The following TRPM3 variants were observed in gnomAD, a reference collection of about 807,000 sequenced individuals.
TRPM3 encodes the protein transient receptor potential cation channel subfamily M member 3, also known as long transient receptor potential channel 3.
A neutral mutation model predicts 181.2 loss-of-function variants in TRPM3; 77 were observed. The observed-to-expected ratio is 0.42, with a 90% CI of 0.35 to 0.51. The LOEUF is 0.51. Among genes scored for constraint, TRPM3 ranks in the 20% least tolerant of loss-of-function variants. The pLI is 0.01. For missense variants in TRPM3, 1,759 were observed against 2,196.7 expected, an observed-to-expected ratio of 0.80 and a Z score of 3.98; for synonymous variants, 745 against 796.4, an observed-to-expected ratio of 0.94 and a Z score of 1.09.
At chr9:70,547,553 A>G (rs1352643537) in intron 25 of TRPM3, among the ~76,000 whole-genome samples, 2 of 136,728 alleles carry the variant, frequency 1.5e-5, no homozygotes, top group Non-Finnish European at 3.2e-5. Context: ...AAAAAAAAAA[A>G]CCCAACAACA....
At position 70,889,320 on chromosome 9, in the gene TRPM3, T is replaced by C. The variant is rs546322277; in HGVS notation, c.178-24809A>G. Among the ~76,000 whole-genome samples the C allele has an allele frequency of 3.3e-5, 5 of 152,240 alleles. No homozygotes were observed. In the South Asian group the frequency reaches 1.0e-3, roughly 32 times the overall value. The stretch of plus-strand genomic sequence containing the variant: ...ACCAGAAGTTGATTCTTTTGAGAAG[T>C]TGAACCTTAGACTAGATGTACGGCT... On this transcript the variant is annotated intron_variant, in intron 1 of 25. Coordinates refer to ENST00000677713, the MANE Select transcript of TRPM3 (RefSeq NM_001366145.2).
intron 22 of TRPM3, among the ~76,000 whole-genome samples, chr9:70,574,922 T>G (rs2053501742): frequency 6.6e-6 from 1 of 151,904 alleles, no homozygotes; most frequent in Non-Finnish European, 1.5e-5. Context: ...GAGCTTGTTT[T>G]TTTCTTTTCT....
chr9:70,861,865 T>G (rs1057113698), intron 3 of TRPM3, among the ~76,000 whole-genome samples: 19 of 145,866 alleles, frequency 1.3e-4, no homozygotes, highest in African/African-American at 4.3e-4. Flanking sequence ...TTCAGAATTA[T>G]ATTTCATAGA....
intron 1 of TRPM3, among the ~76,000 whole-genome samples, chr9:71,438,392 G>T (rs956380357): frequency 6.6e-6 from 1 of 152,122 alleles, no homozygotes; most frequent in Non-Finnish European, 1.5e-5. Context: ...AGTCCTGGGT[G>T]GTTGCAGTGG....
chr9:70,969,260 A>G (rs10868932), intron 1 of TRPM3, among the ~76,000 whole-genome samples: 33,100 of 149,120 alleles, frequency 0.22, 3,698 homozygotes, highest in South Asian at 0.24. Flanking sequence ...AACATCACAC[A>G]CCAGGGCCTC....
intron 1 of TRPM3, among the ~76,000 whole-genome samples, chr9:71,176,974 C>T (rs2077134861): frequency 6.6e-6 from 1 of 152,038 alleles, no homozygotes. Context: ...ACACACAGCA[C>T]AAGGTAAGTG....
chr9:71,248,884 A>G (rs2082185421), intron 1 of TRPM3, among the ~76,000 whole-genome samples: 1 of 152,212 alleles, frequency 6.6e-6, no homozygotes, highest in African/African-American at 2.4e-5. Context: ...AAACGTAACG[A>G]CAAGCCACTT....
intron 6 of TRPM3, among the ~76,000 whole-genome samples, chr9:70,809,147 A>G (rs981717948): frequency 6.6e-6 from 1 of 152,244 alleles, no homozygotes; most frequent in Admixed American, 6.5e-5. Flanking sequence ...TGAAGAAAAT[A>G]TTTTTGTATA....
chr9:70,985,640 G>T (rs1212061160), intron 1 of TRPM3, among the ~76,000 whole-genome samples: 2 of 152,148 alleles, frequency 1.3e-5, no homozygotes, highest in African/African-American at 2.4e-5. Flanking sequence ...GCTAATCTCA[G>T]TTCAACAGAC....
chr9:70,917,737 A>G (rs1172615451), intron 1 of TRPM3, among the ~76,000 whole-genome samples: 3 of 151,982 alleles, frequency 2.0e-5, no homozygotes, highest in Non-Finnish European at 4.4e-5. Context: ...GAAGTCAGAG[A>G]AGACTACAAA....
At chr9:71,401,656 T>C (rs1161868136) in intron 1 of TRPM3, among the ~76,000 whole-genome samples, 2 of 152,190 alleles carry the variant, frequency 1.3e-5, no homozygotes, top group Non-Finnish European at 2.9e-5. Context: ...TATTAATACA[T>C]ACGGTGGTTA....
intron 8 of TRPM3, among the ~76,000 whole-genome samples, chr9:70,757,727 A>C (rs2135219572): frequency 6.6e-6 from 1 of 152,312 alleles, no homozygotes; most frequent in South Asian, 2.1e-4. Flanking sequence ...AATGACAAAA[A>C]CCACATGATT....
intron 24 of TRPM3, among the ~76,000 whole-genome samples, chr9:70,549,994 T>C (rs560255762): frequency 6.6e-6 from 1 of 152,278 alleles, no homozygotes; most frequent in African/African-American, 2.4e-5. Context: ...GCCTAGAGTA[T>C]CTTAAAAGCT....
intron 1 of TRPM3, among the ~76,000 whole-genome samples, chr9:71,328,084 A>G (rs1274105561): frequency 6.6e-6 from 1 of 151,630 alleles, no homozygotes; most frequent in East Asian, 1.9e-4. Flanking sequence ...AAAAAAACAA[A>G]AAAAAAACCC....
At chr9:70,621,190 A>C in intron 15 of TRPM3, 54 bp downstream of exon 15, 1 of 1,267,292 alleles carries the variant, frequency 7.9e-7, no homozygotes, top group Non-Finnish European at 1.1e-6. Context: ...CATATATATA[A>C]TGGGTAATAA....
At chr9:71,079,682 C>G (rs747606358) in intron 1 of TRPM3, among the ~76,000 whole-genome samples, 1 of 152,184 alleles carries the variant, frequency 6.6e-6, no homozygotes, top group Non-Finnish European at 1.5e-5. Context: ...TTGCATCCAT[C>G]TGCTTCCCTC....
chr9:70,842,874 A>T (rs1263859473), intron 5 of TRPM3, 129 bp downstream of exon 5: 1 of 844,522 alleles, frequency 1.2e-6, no homozygotes, highest in Non-Finnish European at 1.8e-6. Context: ...ATTCCTTAAC[A>T]TGTTTCATTT....
chr9:70,935,984 C>G (rs914957478), intron 1 of TRPM3, among the ~76,000 whole-genome samples: 3 of 152,280 alleles, frequency 2.0e-5, no homozygotes, highest in South Asian at 4.1e-4. Context: ...ACACTTTACT[C>G]CCTTCAAACA....
At chr9:71,131,738 T>C (rs1328974423) in intron 1 of TRPM3, among the ~76,000 whole-genome samples, 1 of 152,080 alleles carries the variant, frequency 6.6e-6, no homozygotes, top group Non-Finnish European at 1.5e-5. Context: ...CTCAAAAAAT[T>C]AATAAAAGGA....
Sources: allele counts gnomAD v4.1 joint callset (sites outside exome capture counted in the v4.1 genomes callset), GRCh38; gene constraint gnomAD v4.1.1; transcripts MANE v1.5; gene names NCBI Gene and HGNC (gene_info 2026-07-23, HGNC 2026-07-21).